Variants in PRDM5 observed in about 807,000 individuals in gnomAD.
PRDM5 encodes PR/SET domain 5.
A neutral mutation model predicts 81.2 loss-of-function variants in PRDM5; 56 were observed. The observed-to-expected ratio is 0.69, with a 90% CI of 0.56 to 0.86. PRDM5 has a LOEUF of 0.86. PRDM5 is among the 40% of genes least tolerant of loss of function. The pLI, the probability that PRDM5 is intolerant of heterozygous loss-of-function variation, is 0.00. For synonymous variants in PRDM5, 267 were observed against 256.4 expected, an observed-to-expected ratio of 1.04 and a Z score of -0.39; for missense variants, 697 against 770.1, an observed-to-expected ratio of 0.91 and a Z score of 1.12.
At chr4:120,816,595 C>T (rs187390407) in intron 6 of PRDM5, 21 bp from the exon 7 acceptor site, 14 of 1,613,678 alleles carry the variant, frequency 8.7e-6, no homozygotes, top group Middle Eastern at 1.6e-4. Context: ...ACCAGCAAAG[C>T]GGAACAGGAA....
chr4:120,741,567 C>T (rs1051249204), intron 14 of PRDM5, among the ~76,000 whole-genome samples: 5 of 151,810 alleles, frequency 3.3e-5, no homozygotes, highest in Non-Finnish European at 5.9e-5. Flanking sequence ...TCAGTGGGTG[C>T]GCGCACTGTG....
intron 7 of PRDM5, among the ~76,000 whole-genome samples, chr4:120,814,499 G>A (rs1397502900): frequency 6.6e-6 from 1 of 152,134 alleles, no homozygotes; most frequent in African/African-American, 2.4e-5. Context: ...CTAGGAGCTG[G>A]TCTGAGAACC....
At chr4:120,812,114 G>A (rs1753927520) in intron 7 of PRDM5, among the ~76,000 whole-genome samples, 2 of 151,912 alleles carry the variant, frequency 1.3e-5, no homozygotes, top group Middle Eastern at 3.4e-3. Context: ...ATATATAAGT[G>A]AGCACATGTG....
intron 2 of PRDM5, among the ~76,000 whole-genome samples, chr4:120,897,978 T>A (rs1764836625): frequency 6.6e-6 from 1 of 152,222 alleles, no homozygotes; most frequent in African/African-American, 2.4e-5. Flanking sequence ...AGTGATATGG[T>A]CCTATCTCTT....
rs70948358 is a variant in PRDM5 at position 120,699,161 on chromosome 4, A to AATATAT, written c.1729-3892_1729-3887dup. On this transcript the variant is annotated intron_variant, in intron 15 of 15. Coordinates refer to ENST00000264808, the MANE Select transcript of PRDM5 (RefSeq NM_018699.4). ...TGTATAGGCAATTATAGGAAATATA[A>AATATAT]ATATATATATATATATATATATATA... Among the ~76,000 whole-genome samples the AATATAT allele has an allele frequency of 7.6e-3, 559 of 73,216 alleles. 12 individuals carry two copies. The highest frequency in any genetic ancestry group is 0.019 in the African/African-American group (427 of 22,324). The allele number at this position is 73,216 out of a possible 152,430, so 48.0% of individuals were successfully genotyped here.
chr4:120,828,619 C>A (rs772682065), intron 3 of PRDM5, among the ~76,000 whole-genome samples: 3 of 151,882 alleles, frequency 2.0e-5, no homozygotes, highest in Non-Finnish European at 4.4e-5. Context: ...GGAATTTGGC[C>A]CCATATAATT....
intron 3 of PRDM5, among the ~76,000 whole-genome samples, chr4:120,827,808 C>T (rs971767224): frequency 2.0e-5 from 3 of 152,002 alleles, no homozygotes; most frequent in Admixed American, 6.6e-5. Context: ...CTTTGGAACC[C>T]GATTAGGAAG....
chr4:120,828,519 T>A (rs529158647), intron 3 of PRDM5, among the ~76,000 whole-genome samples: 1 of 152,242 alleles, frequency 6.6e-6, no homozygotes, highest in East Asian at 1.9e-4. Flanking sequence ...TAGAATTAGT[T>A]ATCAAATTAT....
intron 3 of PRDM5, among the ~76,000 whole-genome samples, chr4:120,827,732 C>A (rs1441950811): frequency 6.6e-6 from 1 of 152,020 alleles, no homozygotes; most frequent in Non-Finnish European, 1.5e-5. Flanking sequence ...AGAATCCCAG[C>A]TCCTATGCCA....
intron 2 of PRDM5, among the ~76,000 whole-genome samples, chr4:120,898,385 T>C (rs883534): frequency 0.012 from 1,887 of 152,356 alleles, 25 homozygotes; most frequent in Middle Eastern, 0.058. Context: ...TTAGTCCTTT[T>C]GGGTCTCCAA....
chr4:120,919,039 A>C (rs1353869861), intron 1 of PRDM5, among the ~76,000 whole-genome samples: 2 of 152,204 alleles, frequency 1.3e-5, no homozygotes, highest in Non-Finnish European at 2.9e-5. Flanking sequence ...TATACTGAAC[A>C]GGCTGGCTCT....
chr4:120,735,976 A>T (rs1741054292), intron 14 of PRDM5, among the ~76,000 whole-genome samples: 1 of 151,882 alleles, frequency 6.6e-6, no homozygotes. Flanking sequence ...CCATGAAGTA[A>T]TTTCTCCTCA....
chr4:120,722,317 A>C (rs1179207611), intron 14 of PRDM5, among the ~76,000 whole-genome samples: 3 of 152,140 alleles, frequency 2.0e-5, no homozygotes, highest in African/African-American at 7.2e-5. Context: ...AGAGAGCAGA[A>C]CAAAAAATAA....
At chr4:120,885,270 T>C (rs1763316167) in intron 2 of PRDM5, among the ~76,000 whole-genome samples, 1 of 151,718 alleles carries the variant, frequency 6.6e-6, no homozygotes, top group African/African-American at 2.4e-5. Flanking sequence ...ACAGACACTA[T>C]CTTGTCTGCA....
intron 13 of PRDM5, among the ~76,000 whole-genome samples, chr4:120,757,000 C>T (rs1177730999): frequency 2.0e-5 from 3 of 152,048 alleles, no homozygotes; most frequent in African/African-American, 4.8e-5. Flanking sequence ...CCAACAGAGT[C>T]CAGCAAACAA....
chr4:120,843,879 C>T (rs1464698398), intron 3 of PRDM5, among the ~76,000 whole-genome samples: 4 of 152,078 alleles, frequency 2.6e-5, no homozygotes, highest in African/African-American at 9.7e-5. Flanking sequence ...ACTTCTTCCC[C>T]ACAGGGCATT....
chr4:120,867,336 G>GA (rs1157196080), intron 2 of PRDM5, among the ~76,000 whole-genome samples: 1 of 152,040 alleles, frequency 6.6e-6, no homozygotes, highest in African/African-American at 2.4e-5. Context: ...TACAAATAGA[G>GA]AAAATCAGTT....
chr4:120,803,608 C>T (rs1337058958), intron 8 of PRDM5, among the ~76,000 whole-genome samples: 2 of 152,060 alleles, frequency 1.3e-5, no homozygotes, highest in East Asian at 3.9e-4. Context: ...CCAAACTAAG[C>T]TTCATAGGTG....
intron 14 of PRDM5, among the ~76,000 whole-genome samples, chr4:120,727,295 A>ATG (rs1283561171): frequency 9.2e-6 from 1 of 108,948 alleles, no homozygotes; most frequent in African/African-American, 3.0e-5. Context: ...AGAAAGATGT[A>ATG]TGTATATATG....
Sources: allele counts gnomAD v4.1 joint callset (sites outside exome capture counted in the v4.1 genomes callset), GRCh38; gene constraint gnomAD v4.1.1; transcripts MANE v1.5; gene names NCBI Gene and HGNC (gene_info 2026-07-23, HGNC 2026-07-21).